Variants in GXYLT1 observed in about 807,000 individuals in gnomAD.
The protein encoded by GXYLT1 is glucoside xylosyltransferase 1.
In GXYLT1, 29 loss-of-function variants were observed where a neutral mutation model predicts 54.0. The observed-to-expected ratio is 0.54, with a 90% CI of 0.40 to 0.73. The LOEUF is 0.73. Among genes scored for constraint, GXYLT1 ranks in the 30% least tolerant of loss-of-function variants. GXYLT1 has a pLI of 0.00. For synonymous variants in GXYLT1, 176 were observed against 204.1 expected (o/e 0.86, Z 1.17); for missense variants, 490 against 553.4 (o/e 0.89, Z 1.15).
chr12:42,113,223 C>T (rs1327490779), intron 3 of GXYLT1, among the ~76,000 whole-genome samples: 1 of 151,116 alleles, frequency 6.6e-6, no homozygotes, highest in Admixed American at 6.6e-5. Context: ...ACTACATGAA[C>T]TAACGAGCAA....
chr12:42,122,958 A>G (rs927445386), intron 2 of GXYLT1, among the ~76,000 whole-genome samples: 2 of 152,166 alleles, frequency 1.3e-5, no homozygotes, highest in Non-Finnish European at 2.9e-5. Context: ...TATCCCATGC[A>G]GTAATCCTGC....
Position 42,087,580 on chromosome 12 carries a change from A to C in GXYLT1, c.*206T>G. Reference sequence around the variant, plus strand: ...ATAGCAAGTAACATTACAAAACATCAGAGATAAAAAATGTTCAATGTTGAG... The same window carrying C: ...ATAGCAAGTAACATTACAAAACATCCGAGATAAAAAATGTTCAATGTTGAG... On this transcript the variant is annotated 3_prime_UTR_variant, in exon 8 of 8. Transcript: ENST00000398675. 1 of 481,404 alleles carries C rather than the reference A, an allele frequency of 2.1e-6. No homozygotes were observed. The highest frequency in any genetic ancestry group is 2.5e-5 in the South Asian group (1 of 40,138). The allele number at this position is 481,404 out of a possible 1,614,324, so 29.8% of individuals were successfully genotyped here.
intron 5 of GXYLT1, among the ~76,000 whole-genome samples, chr12:42,101,677 T>C (rs2065391000): frequency 6.6e-6 from 1 of 152,074 alleles, no homozygotes; most frequent in Non-Finnish European, 1.5e-5. Context: ...GTTCAAGTGA[T>C]TCTCATGCCT....
rs556457243 is a variant in GXYLT1 at position 42,105,334 on chromosome 12, T to C, written c.864+484A>G. Reference sequence around the variant, plus strand: ...ACACCATAATAGCTAACATTTACTATGTGTCAGCCACTGTTCTAACTCATT... The same window carrying C: ...ACACCATAATAGCTAACATTTACTACGTGTCAGCCACTGTTCTAACTCATT... On this transcript the variant is annotated intron_variant, in intron 5 of 7. Transcript: ENST00000398675. 7.9e-5 allele frequency among the ~76,000 whole-genome samples: 12 copies of C among 152,238 alleles called. 2 individuals carry two copies. The highest frequency in any genetic ancestry group is 2.2e-4 in the African/African-American group (9 of 41,574).
intron 3 of GXYLT1, among the ~76,000 whole-genome samples, chr12:42,115,686 A>G (rs1054376907): frequency 4.0e-5 from 6 of 151,832 alleles, no homozygotes; most frequent in Admixed American, 1.3e-4. Flanking sequence ...AATCAATATC[A>G]TGAAAATGGC....
chr12:42,108,488 G>A (rs931589215), intron 4 of GXYLT1, among the ~76,000 whole-genome samples: 1 of 151,890 alleles, frequency 6.6e-6, no homozygotes, highest in African/African-American at 2.4e-5. Context: ...TTAATTAAAT[G>A]ACTGACACTG....
intron 3 of GXYLT1, among the ~76,000 whole-genome samples, chr12:42,113,108 C>A (rs1233197441): frequency 6.6e-6 from 1 of 151,034 alleles, no homozygotes; most frequent in Non-Finnish European, 1.5e-5. Context: ...ACCAGGCCTG[C>A]CCTAAAAGAG....
Position 42,098,010 on chromosome 12 carries a change from T to A in GXYLT1, c.888A>T (p.Leu296=), listed in dbSNP as rs950760619. The A allele has an allele frequency of 6.2e-7, 1 of 1,609,476 alleles. No individual in the cohort carries two copies. The highest frequency in any genetic ancestry group is 8.5e-7 in the Non-Finnish European group (1 of 1,176,860). The stretch of plus-strand genomic sequence containing the variant: ...ATGGCATAAGTATATCTCCCCATTG[T>A]AGTCGTACAGTTGTCATATCATTCT... ...YFKNDMTTVR[L]QWGDILMPLL... Residue 296 remains leucine, a synonymous_variant, in exon 6 of 8, where the codon CTA becomes CTT. Transcript: ENST00000398675.
chr12:42,088,184 C>A (rs761796952), intron 7 of GXYLT1, among the ~76,000 whole-genome samples: 1 of 151,782 alleles, frequency 6.6e-6, no homozygotes, highest in Non-Finnish European at 1.5e-5. Context: ...TGCGCAAGGG[C>A]AGAGAAGACT....
chr12:42,087,530 T>C lies in GXYLT1; in HGVS notation c.*256A>G, dbSNP rs1286085971. The C allele has an allele frequency of 1.7e-5, 6 of 359,774 alleles. No homozygotes were observed. Among genetic ancestry groups the C allele is most frequent in the Admixed American group, 4.8e-5 (1 of 20,832 alleles). 22.3% of individuals were successfully genotyped at this position (359,774 alleles called of 1,614,324 possible). A position where few individuals can be genotyped will look rare whatever the true frequency, so the allele number is the denominator to read the frequency against. ...AAGTCTGCAGGTTAAACCCATTCAA[T>C]AGTATTTTCATCAATACTGGAATGA... On this transcript the variant is annotated 3_prime_UTR_variant, in exon 8 of 8. Coordinates refer to ENST00000398675, the MANE Select transcript of GXYLT1 (RefSeq NM_173601.2).
At chr12:42,115,369 T>C (rs187868890) in intron 3 of GXYLT1, among the ~76,000 whole-genome samples, 21 of 152,216 alleles carry the variant, frequency 1.4e-4, no homozygotes, top group African/African-American at 4.8e-4. Context: ...CATGATTGTA[T>C]ATCTAGAAAA....
chr12:42,121,533 G>C (rs974705355), intron 2 of GXYLT1, among the ~76,000 whole-genome samples: 2 of 152,072 alleles, frequency 1.3e-5, no homozygotes, highest in Admixed American at 1.3e-4. Context: ...TAAAGGCTGA[G>C]GTAGGAGGGT....
chr12:42,130,066 T>C (rs2065585642), intron 1 of GXYLT1, among the ~76,000 whole-genome samples: 1 of 152,214 alleles, frequency 6.6e-6, no homozygotes, highest in Non-Finnish European at 1.5e-5. Flanking sequence ...GAAGGTAGAC[T>C]ATACTATAGA....
rs1239374519 is a variant in GXYLT1, at chr12:42,144,629, G to A, written c.18C>T (p.Arg6=). The A allele has an allele frequency of 2.0e-6, 3 of 1,464,002 alleles. No individual in the cohort carries two copies. The highest frequency in any genetic ancestry group is 2.7e-6 in the Non-Finnish European group (3 of 1,106,180). The allele number at this position is 1,464,002 out of a possible 1,614,324, so 90.7% of individuals were successfully genotyped here. Residue 6 remains arginine (R), a synonymous_variant, in exon 1 of 8, where the codon CGC becomes CGT. Transcript: ENST00000398675. ...CGCAGGCCACACACAGCACCACGACGCGCAGGTAGCGCCGCATCGCCCCGG... is the reference window on the plus strand; with the variant it reads ...CGCAGGCCACACACAGCACCACGACACGCAGGTAGCGCCGCATCGCCCCGG... MRRYL[R]VVVLCVACGF... is the part of the protein sequence containing the mutation.
chr12:42,091,482 C>T (rs2065329109), intron 7 of GXYLT1, among the ~76,000 whole-genome samples: 1 of 152,060 alleles, frequency 6.6e-6, no homozygotes, highest in Admixed American at 6.6e-5. Context: ...CTTTTCTATC[C>T]TGCAAAGTCT....
intron 2 of GXYLT1, among the ~76,000 whole-genome samples, chr12:42,124,383 A>T (rs1437774456): frequency 6.6e-6 from 1 of 152,066 alleles, no homozygotes; most frequent in Non-Finnish European, 1.5e-5. Flanking sequence ...AAAGTAAAAT[A>T]AAAAAACAAA....
chr12:42,117,045 A>G (rs10880250), intron 3 of GXYLT1, among the ~76,000 whole-genome samples: 113,695 of 148,094 alleles, frequency 0.77, 43,947 homozygotes, highest in African/African-American at 0.85. Context: ...ACCAAACACC[A>G]CATGTTCTCA....
intron 5 of GXYLT1, among the ~76,000 whole-genome samples, chr12:42,100,519 A>T (rs980814639): frequency 2.6e-5 from 4 of 152,010 alleles, no homozygotes; most frequent in African/African-American, 9.7e-5. Flanking sequence ...GATATAAACA[A>T]TCTATCCTTT....
intron 7 of GXYLT1, 83 bp downstream of exon 7, chr12:42,097,359 C>A (rs957445129): frequency 6.5e-6 from 7 of 1,083,566 alleles, no homozygotes; most frequent in Non-Finnish European, 9.0e-6. Context: ...TGTAAAAATT[C>A]TTTGTACTAT....
Sources: gnomAD v4.1 joint callset for allele counts (sites outside exome capture counted in the v4.1 genomes callset) on GRCh38, gnomAD v4.1.1 for gene constraint, MANE v1.5 for transcripts, NCBI Gene and HGNC (gene_info 2026-07-23, HGNC 2026-07-21) for gene names.